The following IL4I1 variants were observed in gnomAD, a reference collection of about 807,000 sequenced individuals.
IL4I1 encodes the protein L-amino-acid oxidase.
In IL4I1, 24 loss-of-function variants were observed where a neutral mutation model predicts 29.7. The observed-to-expected ratio is 0.81, with a 90% CI of 0.59 to 1.14. The LOEUF (loss-of-function observed/expected upper bound fraction) is 1.14, where lower values mean the gene tolerates loss of function less well. Among genes scored for constraint, IL4I1 ranks in the 50% most tolerant of loss-of-function variants. IL4I1 has a pLI of 0.00. For missense variants in IL4I1, 686 were observed against 785.6 expected, an observed-to-expected ratio of 0.87 and a Z score of 1.52; for synonymous variants, 371 against 352.5, an observed-to-expected ratio of 1.05 and a Z score of -0.59.
At chr19:49,912,639 G>A (rs1481507066) in intron 2 of IL4I1, among the ~76,000 whole-genome samples, 4 of 152,136 alleles carry the variant, frequency 2.6e-5, no homozygotes, top group Admixed American at 1.3e-4. Flanking sequence ...TGAGGTGGGG[G>A]GATCGCTTGA....
At chr19:49,895,698 T>TGCCCCCCCAAACCCCCCACCCC in intron 3 of IL4I1, 117 bp downstream of exon 3, 2 of 705,418 alleles carry the variant, frequency 2.8e-6, no homozygotes, top group Non-Finnish European at 4.7e-6. Flanking sequence ...AGATAGCCTC[T>TGCCCCCCCAAACCCCCCACCCC]CCCCCCACAT....
intron 2 of IL4I1, among the ~76,000 whole-genome samples, chr19:49,910,615 T>G (rs1249100311): frequency 6.6e-6 from 1 of 151,162 alleles, no homozygotes; most frequent in Admixed American, 6.6e-5. Context: ...CACCTGTAGG[T>G]GTGGTGTGGA....
intron 2 of IL4I1, among the ~76,000 whole-genome samples, chr19:49,913,521 C>A (rs12462389): frequency 6.6e-6 from 1 of 152,106 alleles, no homozygotes; most frequent in Non-Finnish European, 1.5e-5. Context: ...CATGTCCTCC[C>A]CACAACCCGG....
intron 2 of IL4I1, among the ~76,000 whole-genome samples, chr19:49,910,164 G>A (rs1373190483): frequency 6.6e-6 from 1 of 152,072 alleles, no homozygotes; most frequent in Non-Finnish European, 1.5e-5. Context: ...CAGGACCTTG[G>A]ACCCACCTCA....
chr19:49,925,749 G>A (rs1322559957), intron 2 of IL4I1, among the ~76,000 whole-genome samples: 1 of 152,126 alleles, frequency 6.6e-6, no homozygotes, highest in Non-Finnish European at 1.5e-5. Flanking sequence ...ATGGCATTTG[G>A]TCAATGGTAA....
At position 49,889,683 on chromosome 19, in the gene IL4I1, C is replaced by T; in HGVS notation, c.1691G>A (p.Arg564Lys). 4.7e-6 allele frequency: 7 copies of T among 1,497,042 alleles called. No homozygotes were observed. Among genetic ancestry groups the T allele is most frequent in the Non-Finnish European group, 6.2e-6 (7 of 1,121,890 alleles). The allele number at this position is 1,497,042 out of a possible 1,614,324, so 92.7% of individuals were successfully genotyped here. The change falls in exon 8 of 8, where the codon AGG becomes AAG. Residue 564 changes from arginine (R) to lysine (K), a missense_variant. Coordinates refer to ENST00000391826, the MANE Select transcript of IL4I1 (RefSeq NM_152899.2). Reference protein sequence around the residue: ...QLSLQNTTHTRTSH With the variant: ...QLSLQNTTHTKTSH ...TCCGAAAATACTTTAATGCGAGGTCCTCGTGTGGGTCGTGTTTTGGAGAGA... is the reference window on the plus strand; with the variant it reads ...TCCGAAAATACTTTAATGCGAGGTCTTCGTGTGGGTCGTGTTTTGGAGAGA...
chr19:49,889,676 C>G lies in IL4I1; in HGVS notation c.1698G>C (p.Ser566=). 1 of 1,481,222 alleles carries G rather than the reference C, an allele frequency of 6.8e-7. No individual in the cohort carries two copies. Among genetic ancestry groups the G allele is most frequent in the Non-Finnish European group, 9.0e-7 (1 of 1,113,682 alleles). The allele number at this position is 1,481,222 out of a possible 1,614,324, so 91.8% of individuals were successfully genotyped here. A position where few individuals can be genotyped will look rare whatever the true frequency, so the allele number is the denominator to read the frequency against. Residue 566 remains serine (S), a synonymous_variant, in exon 8 of 8, where the codon TCG becomes TCC. Coordinates refer to ENST00000391826, the MANE Select transcript of IL4I1 (RefSeq NM_152899.2). The part of the protein sequence containing the change: ...SLQNTTHTRT[S]H ...GGCTTTTTCCGAAAATACTTTAATG[C>G]GAGGTCCTCGTGTGGGTCGTGTTTT...
At chr19:49,905,565 T>C (rs1197842070) in intron 2 of IL4I1, among the ~76,000 whole-genome samples, 1 of 152,184 alleles carries the variant, frequency 6.6e-6, no homozygotes, top group African/African-American at 2.4e-5. Flanking sequence ...GACACAACTC[T>C]TGTCCTCCAG....
intron 2 of IL4I1, chr19:49,907,626 G>A (rs2075353822): frequency 7.7e-6 from 3 of 391,714 alleles, no homozygotes; most frequent in South Asian, 5.7e-5. Flanking sequence ...AACACCTCCT[G>A]GGTTCAAGTG....
At chr19:49,891,511 G>C (rs773388491) in intron 5 of IL4I1, 38 bp from the exon 6 acceptor site, 10 of 1,594,614 alleles carry the variant, frequency 6.3e-6, no homozygotes, top group Non-Finnish European at 7.7e-6. Flanking sequence ...TGAGCTGCCC[G>C]GGCAGCCAGG....
rs774836417 is a variant in IL4I1, at chr19:49,909,383, A to G, written c.-227-5062T>C. On this transcript the variant is annotated intron_variant, in intron 2 of 9. Transcript: ENST00000341114. ...AGCCACAGAGGTGGTGGAGGGGCCA[A>G]ACACAAAGCCGGTGGGTGCTGTGCC... The G allele has an allele frequency of 9.7e-5, 156 of 1,613,694 alleles. No individual in the cohort carries two copies. The highest frequency in any genetic ancestry group is 1.2e-4 in the Non-Finnish European group (145 of 1,180,026).
chr19:49,906,116 C>T (rs555055415), intron 2 of IL4I1, among the ~76,000 whole-genome samples: 4 of 152,222 alleles, frequency 2.6e-5, no homozygotes, highest in East Asian at 1.9e-4. Flanking sequence ...GCATTGGGCC[C>T]GTGTCTTTAG....
At chr19:49,905,822 C>T (rs2075314938) in intron 2 of IL4I1, among the ~76,000 whole-genome samples, 1 of 152,128 alleles carries the variant, frequency 6.6e-6, no homozygotes, top group Admixed American at 6.6e-5. Flanking sequence ...ATGCTGGTCT[C>T]GAACTCCTGA....
chr19:49,908,003 G>T, intron 2 of IL4I1: 1 of 812,720 alleles, frequency 1.2e-6, no homozygotes, highest in Non-Finnish European at 1.9e-6. Flanking sequence ...AGGGGCCAAA[G>T]ATACTCAAAT....
intron 5 of IL4I1, among the ~76,000 whole-genome samples, chr19:49,893,005 G>T (rs2075158983): frequency 6.6e-6 from 1 of 152,170 alleles, no homozygotes; most frequent in African/African-American, 2.4e-5. Context: ...GAAAGGGAGG[G>T]TGATACACAG....
chr19:49,925,280 A>G (rs1212967034), intron 2 of IL4I1, among the ~76,000 whole-genome samples: 1 of 151,938 alleles, frequency 6.6e-6, no homozygotes, highest in Non-Finnish European at 1.5e-5. Context: ...AAAAAAATTA[A>G]AAAACAAAAC....
intron 2 of IL4I1, among the ~76,000 whole-genome samples, chr19:49,917,382 AGT>A (rs1206188569): frequency 1.3e-5 from 2 of 152,238 alleles, no homozygotes; most frequent in Non-Finnish European, 2.9e-5. Flanking sequence ...CTCCTGAATC[AGT>A]TCCTCTTTCC....
rs1433076406 is a variant in IL4I1 at position 49,896,046 on chromosome 19, G to A, written c.21C>T (p.His7=). 2 of 1,613,908 alleles carry A rather than the reference G, an allele frequency of 1.2e-6. No individual in the cohort carries two copies. The highest frequency in any genetic ancestry group is 4.5e-5 in the East Asian group (2 of 44,880). The part of the protein sequence containing the change: MAPLAL[H]LLVLVPILLS... ...GGAGGATGGGGACGAGGACGAGGAG[G>A]TGCAGGGCTGGGAGGAGGAGGACAG... The change falls in exon 3 of 8, where the codon CAC becomes CAT. Residue 7 remains histidine (H), a synonymous_variant. Transcript: ENST00000391826.
chr19:49,910,338 CAG>C (rs1019331130), intron 2 of IL4I1, among the ~76,000 whole-genome samples: 8 of 151,942 alleles, frequency 5.3e-5, no homozygotes, highest in Admixed American at 2.6e-4. Flanking sequence ...CTCTGGACCT[CAG>C]AGAGAGAGAT....
Sources: allele counts gnomAD v4.1 joint callset (sites outside exome capture counted in the v4.1 genomes callset), GRCh38; gene constraint gnomAD v4.1.1; transcripts MANE v1.5; gene names NCBI Gene and HGNC (gene_info 2026-07-23, HGNC 2026-07-21).